The following UGT1A10 variants were observed in gnomAD, a reference collection of about 807,000 sequenced individuals.
The protein encoded by UGT1A10 is UDP glucuronosyltransferase family 1 member A10, also known as UDP-glucuronosyltransferase 1A10.
Under a neutral mutation model 45.8 loss-of-function variants are expected in UGT1A10, and 49 were observed. The observed-to-expected ratio is 1.07, with a 90% confidence interval of 0.85 to 1.36. UGT1A10 has a LOEUF of 1.36. UGT1A10 is among the 40% of genes most tolerant of loss of function. The pLI is 0.00. For synonymous variants in UGT1A10, 284 were observed against 249.7 expected, an observed-to-expected ratio of 1.14 and a Z score of -1.29; for missense variants, 745 against 668.6, an observed-to-expected ratio of 1.11 and a Z score of -1.26.
intron 1 of UGT1A10, among the ~76,000 whole-genome samples, chr2:233,677,372 G>T (rs756842376): frequency 6.6e-6 from 1 of 152,074 alleles, no homozygotes; most frequent in Non-Finnish European, 1.5e-5. Flanking sequence ...GGACCAACCC[G>T]TGTGTAGTAG....
At position 233,728,430 on chromosome 2, in the gene UGT1A10, A is replaced by G. The variant is rs531471868; in HGVS notation, c.856-38604A>G. Among the ~76,000 whole-genome samples, 89 of 152,228 alleles carry G rather than the reference A, an allele frequency of 5.8e-4. 1 individual carries two copies. The highest frequency in any genetic ancestry group is 2.0e-3 in the African/African-American group (84 of 41,542). ...TTTAGATAGCAGCACCTCTTCTTCC[A>G]TGGTGTATATGGAGAATCCTCAACA... On this transcript the variant is annotated intron_variant, in intron 1 of 4. Transcript: ENST00000344644.
intron 1 of UGT1A10, among the ~76,000 whole-genome samples, chr2:233,676,749 C>G (rs2074369956): frequency 6.6e-6 from 1 of 152,106 alleles, no homozygotes; most frequent in African/African-American, 2.4e-5. Flanking sequence ...CGTGGTAAAA[C>G]TGGGTTTATA....
chr2:233,721,992 G>T, intron 1 of UGT1A10: 1 of 260,508 alleles, frequency 3.8e-6, no homozygotes, highest in African/African-American at 2.2e-5. Flanking sequence ...TTTCACGAAT[G>T]TCCTTTAAGT....
chr2:233,760,837 A>T (rs1440575421), intron 1 of UGT1A10: 4 of 1,613,664 alleles, frequency 2.5e-6, no homozygotes, highest in Non-Finnish European at 3.4e-6. Flanking sequence ...ATTTGAGGCT[A>T]CCCAGTGCCC....
chr2:233,646,844 G>A (rs531396382), intron 1 of UGT1A10, among the ~76,000 whole-genome samples: 2 of 152,274 alleles, frequency 1.3e-5, no homozygotes, highest in East Asian at 3.9e-4. Flanking sequence ...CAGTTCTAAA[G>A]TCCCTTCCAC....
chr2:233,754,946 G>A, intron 1 of UGT1A10: 1 of 1,327,700 alleles, frequency 7.5e-7, no homozygotes, highest in Non-Finnish European at 1.0e-6. Context: ...AGGAGAATGG[G>A]TCCCGGCCGC....
At chr2:233,729,341 A>G (rs1330207927) in intron 1 of UGT1A10, 2 of 1,614,238 alleles carry the variant, frequency 1.2e-6, no homozygotes, top group Admixed American at 1.7e-5. Flanking sequence ...ATCAAAGAAG[A>G]GAACTTTTTC....
intron 1 of UGT1A10, chr2:233,693,590 T>C (rs1559346509): frequency 6.2e-7 from 1 of 1,614,248 alleles, no homozygotes; most frequent in Non-Finnish European, 8.5e-7. Context: ...TCCCAGGTGC[T>C]ACACAAAGTT....
At chr2:233,711,268 G>T (rs1198771284) in intron 1 of UGT1A10, among the ~76,000 whole-genome samples, 1 of 152,206 alleles carries the variant, frequency 6.6e-6, no homozygotes, top group African/African-American at 2.4e-5. Context: ...CCTCCCCAGG[G>T]TCTAGGAGTC....
At chr2:233,733,420 A>C (rs1380282532) in intron 1 of UGT1A10, among the ~76,000 whole-genome samples, 1 of 152,116 alleles carries the variant, frequency 6.6e-6, no homozygotes, top group African/African-American at 2.4e-5. Context: ...GTTTTCGCCT[A>C]CTCAGTATGA....
intron 1 of UGT1A10, chr2:233,713,148 G>T: frequency 6.2e-7 from 1 of 1,614,254 alleles, no homozygotes; most frequent in Non-Finnish European, 8.5e-7. Context: ...GGACCTCCAT[G>T]CGAGAGGCCA....
chr2:233,754,768 C>T, intron 1 of UGT1A10: 1 of 1,017,180 alleles, frequency 9.8e-7, no homozygotes, highest in Non-Finnish European at 1.4e-6. Context: ...CCCCCACTTC[C>T]CAGGGAGCCA....
chr2:233,750,617 G>C (rs1694515709), intron 1 of UGT1A10: 1 of 151,760 alleles, frequency 6.6e-6, no homozygotes, highest in African/African-American at 2.4e-5. Context: ...TTTGTGGGCT[G>C]GGTCCATGCT....
chr2:233,756,775 T>G (rs1301399091), intron 1 of UGT1A10, among the ~76,000 whole-genome samples: 1 of 152,128 alleles, frequency 6.6e-6, no homozygotes, highest in Admixed American at 6.5e-5. Context: ...TTCTTTGCTT[T>G]GATAAATTGT....
At chr2:233,648,650 G>C (rs2073663720) in intron 1 of UGT1A10, 1 of 255,598 alleles carries the variant, frequency 3.9e-6, no homozygotes, top group South Asian at 4.8e-5. Flanking sequence ...ATTTTTAGTG[G>C]AGACGGGGTT....
At chr2:233,768,980 T>A (rs1699769339) in intron 4 of UGT1A10, among the ~76,000 whole-genome samples, 1 of 152,212 alleles carries the variant, frequency 6.6e-6, no homozygotes, top group Non-Finnish European at 1.5e-5. Flanking sequence ...TTTAGAATTT[T>A]ATTTCCCCCA....
intron 1 of UGT1A10, among the ~76,000 whole-genome samples, chr2:233,717,134 A>G (rs2076550846): frequency 6.6e-6 from 1 of 152,112 alleles, no homozygotes; most frequent in African/African-American, 2.4e-5. Context: ...ATAGAACACC[A>G]CTACATGGAA....
intron 1 of UGT1A10, among the ~76,000 whole-genome samples, chr2:233,684,234 T>C (rs1318494305): frequency 6.6e-6 from 1 of 152,216 alleles, no homozygotes; most frequent in Non-Finnish European, 1.5e-5. Flanking sequence ...AAGCGCTTTC[T>C]AAAAATCAGG....
intron 1 of UGT1A10, chr2:233,647,832 G>C (rs1373265776): frequency 1.9e-6 from 2 of 1,048,634 alleles, no homozygotes; most frequent in Non-Finnish European, 2.7e-6. Flanking sequence ...CCAAAAGCTA[G>C]CTTTGGTGTC....
Sources: allele counts gnomAD v4.1 joint callset (sites outside exome capture counted in the v4.1 genomes callset), GRCh38; gene constraint gnomAD v4.1.1; transcripts MANE v1.5; gene names NCBI Gene and HGNC (gene_info 2026-07-23, HGNC 2026-07-21).